The following VSTM4 variants were observed in gnomAD, a reference collection of about 807,000 sequenced individuals.
VSTM4 encodes the protein V-set and transmembrane domain-containing protein 4.
VSTM4 carries 20 observed loss-of-function variants against 36.4 expected under a neutral mutation model. That is an observed-to-expected ratio of 0.55 (90% CI 0.39 to 0.80). The LOEUF (loss-of-function observed/expected upper bound fraction) is 0.80, where lower values mean the gene tolerates loss of function less well. VSTM4 is among the 30% of genes least tolerant of loss of function. VSTM4 has a pLI of 0.00. For synonymous variants in VSTM4, 182 were observed against 173.9 expected (o/e 1.05, Z -0.37); for missense variants, 392 against 404.5 (o/e 0.97, Z 0.26).
intron 1 of VSTM4, among the ~76,000 whole-genome samples, chr10:49,109,066 G>A (rs1327133074): frequency 1.3e-5 from 2 of 152,052 alleles, no homozygotes; most frequent in Admixed American, 6.5e-5. Flanking sequence ...TTCTCACCAG[G>A]TTCCATGTCC....
At chr10:49,047,799 AG>A (rs1401153645) in intron 6 of VSTM4, among the ~76,000 whole-genome samples, 1 of 152,182 alleles carries the variant, frequency 6.6e-6, no homozygotes, top group Non-Finnish European at 1.5e-5. Context: ...AAGCATGCAA[AG>A]CCCGCAGTTG....
chr10:49,099,488 G>T (rs1844629565), intron 2 of VSTM4, among the ~76,000 whole-genome samples: 1 of 152,214 alleles, frequency 6.6e-6, no homozygotes, highest in African/African-American at 2.4e-5. Flanking sequence ...TTAGGGTGAT[G>T]TGGGCTTCTT....
chr10:49,026,152 G>A (rs866238112), intron 7 of VSTM4, among the ~76,000 whole-genome samples: 2 of 152,178 alleles, frequency 1.3e-5, no homozygotes, highest in African/African-American at 4.8e-5. Context: ...AAGACAGAGA[G>A]GCAACATGAA....
At chr10:49,039,861 C>A (rs935276142) in intron 7 of VSTM4, among the ~76,000 whole-genome samples, 1 of 152,218 alleles carries the variant, frequency 6.6e-6, no homozygotes, top group Non-Finnish European at 1.5e-5. Flanking sequence ...CGCTACTTGG[C>A]CTCTGAATCA....
intron 1 of VSTM4, among the ~76,000 whole-genome samples, chr10:49,109,717 T>C (rs1450478883): frequency 6.6e-6 from 1 of 152,056 alleles, no homozygotes; most frequent in Non-Finnish European, 1.5e-5. Flanking sequence ...GCTGGATGGG[T>C]ATGAGGTCTT....
intron 5 of VSTM4, among the ~76,000 whole-genome samples, chr10:49,063,023 ATC>A (rs1590098474): frequency 2.1e-5 from 3 of 141,888 alleles, no homozygotes; most frequent in African/African-American, 8.3e-5. Flanking sequence ...TGATGATTGA[ATC>A]TTTTTTTTTT....
At chr10:49,099,240 A>C (rs1590130480) in intron 2 of VSTM4, among the ~76,000 whole-genome samples, 1 of 152,220 alleles carries the variant, frequency 6.6e-6, no homozygotes, top group East Asian at 1.9e-4. Flanking sequence ...TTGCAAATGC[A>C]CGGCTGATTC....
chr10:49,056,763 T>C (rs936830962), intron 5 of VSTM4, among the ~76,000 whole-genome samples: 1 of 152,248 alleles, frequency 6.6e-6, no homozygotes, highest in African/African-American at 2.4e-5. Context: ...GATTCCTCCC[T>C]GGACAAGACA....
Position 49,115,437 on chromosome 10 carries a change from C to T in VSTM4, c.49G>A (p.Ala17Thr). 1 of 1,046,180 alleles carries T rather than the reference C, an allele frequency of 9.6e-7. No homozygotes were observed. The highest frequency in any genetic ancestry group is 1.2e-6 in the Non-Finnish European group (1 of 864,302). 64.8% of individuals were successfully genotyped at this position (1,046,180 alleles called of 1,614,324 possible). ...AAAALLARAP[A>T]PEVCAALNVT... ...CTGGCCCCGCCGCGCTTACCCGGAG[C>T]CGGAGCCCGCGCCAGCAGCGCGGCC... is the stretch of plus-strand genomic sequence containing the variant. The change falls in exon 1 of 8, where the codon GCT (alanine) becomes ACT (threonine). Residue 17 changes from alanine to threonine, a missense_variant. Ala to Thr is a moderately conservative substitution (Grantham distance 58). Transcript: ENST00000332853.
intron 4 of VSTM4, among the ~76,000 whole-genome samples, chr10:49,070,618 C>A (rs1413043909): frequency 6.6e-6 from 1 of 152,166 alleles, no homozygotes; most frequent in Non-Finnish European, 1.5e-5. Context: ...CCTCCCACAG[C>A]CCCAAGAGGT....
chr10:49,084,948 A>G (rs941810246), intron 3 of VSTM4, among the ~76,000 whole-genome samples: 1 of 152,240 alleles, frequency 6.6e-6, no homozygotes, highest in Non-Finnish European at 1.5e-5. Flanking sequence ...GGCCCCTGCC[A>G]CTAGATGCCA....
At chr10:49,091,048 A>G (rs1449900637) in intron 2 of VSTM4, among the ~76,000 whole-genome samples, 1 of 152,222 alleles carries the variant, frequency 6.6e-6, no homozygotes, top group East Asian at 1.9e-4. Context: ...AGGGAAGTAG[A>G]AGGAAGCCCA....
chr10:49,020,530 AC>A (rs146049024), intron 7 of VSTM4, among the ~76,000 whole-genome samples: 9,054 of 152,186 alleles, frequency 0.059, 284 homozygotes, highest in Middle Eastern at 0.12. Flanking sequence ...AAGATAAGAG[AC>A]ATAAACAAAA....
chr10:49,077,169 G>T, intron 4 of VSTM4, 50 bp downstream of exon 4: 2 of 1,571,534 alleles, frequency 1.3e-6, no homozygotes, highest in East Asian at 2.3e-5. Context: ...CCGCCCGTCT[G>T]TGGTCGGGGT....
intron 2 of VSTM4, among the ~76,000 whole-genome samples, chr10:49,100,446 C>T (rs7080003): frequency 0.19 from 28,738 of 151,990 alleles, 3,995 homozygotes; most frequent in African/African-American, 0.39. Flanking sequence ...CCAGCAATAC[C>T]GATTTAAAAT....
intron 2 of VSTM4, among the ~76,000 whole-genome samples, chr10:49,092,953 C>CT (rs1844503379): frequency 6.6e-6 from 1 of 152,172 alleles, no homozygotes; most frequent in Non-Finnish European, 1.5e-5. Context: ...CAGAAGAGAG[C>CT]TGGGGCCACA....
chr10:49,054,707 C>G (rs1052296786), intron 5 of VSTM4, among the ~76,000 whole-genome samples: 13 of 152,320 alleles, frequency 8.5e-5, no homozygotes, highest in African/African-American at 3.1e-4. Context: ...AGCATGCACC[C>G]AGCCACACTC....
At chr10:49,075,893 T>C (rs1844167989) in intron 4 of VSTM4, among the ~76,000 whole-genome samples, 1 of 152,146 alleles carries the variant, frequency 6.6e-6, no homozygotes, top group Non-Finnish European at 1.5e-5. Flanking sequence ...GGAGAGGGCC[T>C]GAGGAGTGTA....
chr10:49,081,814 T>C (rs1844283806), intron 3 of VSTM4, among the ~76,000 whole-genome samples: 3 of 152,340 alleles, frequency 2.0e-5, no homozygotes, highest in Admixed American at 2.0e-4. Context: ...GGCCACTCTC[T>C]GTTTTGTTCT....
Sources: allele counts gnomAD v4.1 joint callset (sites outside exome capture counted in the v4.1 genomes callset), GRCh38; gene constraint gnomAD v4.1.1; transcripts MANE v1.5; gene names NCBI Gene and HGNC (gene_info 2026-07-23, HGNC 2026-07-21).